The following ZNF236 variants were observed in gnomAD, a reference collection of about 807,000 sequenced individuals.
The protein encoded by ZNF236 is regulated by glucose.
Under a neutral mutation model 191.2 loss-of-function variants are expected in ZNF236, and 50 were observed. That is an observed-to-expected ratio of 0.26 (90% CI 0.21 to 0.33). The LOEUF is 0.33. ZNF236 is among the 10% of genes least tolerant of loss of function. The probability of loss-of-function intolerance (pLI) is 1.00; values close to 1 mark genes in which losing one functional copy is unlikely to be tolerated. For missense variants in ZNF236, 1,754 were observed against 2,374.5 expected, an observed-to-expected ratio of 0.74 and a Z score of 5.43; for synonymous variants, 907 against 928.8, an observed-to-expected ratio of 0.98 and a Z score of 0.43.
chr18:76,863,468 A>T (rs1046889959), intron 3 of ZNF236, among the ~76,000 whole-genome samples: 2 of 152,268 alleles, frequency 1.3e-5, no homozygotes, highest in African/African-American at 2.4e-5. Flanking sequence ...TGTTGTTTGC[A>T]GAAGAACACT....
intron 30 of ZNF236, among the ~76,000 whole-genome samples, chr18:76,961,870 T>C (rs1192753526): frequency 6.6e-6 from 1 of 152,238 alleles, no homozygotes; most frequent in Non-Finnish European, 1.5e-5. Context: ...TATCTTCTTT[T>C]GAGAATTGTC....
intron 3 of ZNF236, among the ~76,000 whole-genome samples, chr18:76,859,545 C>T (rs894482461): frequency 1.3e-5 from 2 of 152,162 alleles, no homozygotes; most frequent in African/African-American, 4.8e-5. Context: ...TATTTACAAT[C>T]ATTCGTACAT....
rs575174525 is a variant in ZNF236 at position 76,922,490 on chromosome 18, A to C, written c.3558-581A>C. ...CTCTCTGTGCATTGCCAACTTTTCT[A>C]CTCTGATATCGTTTGGGTTTTCCTG... On this transcript the variant is annotated intron_variant, in intron 20 of 30. Coordinates refer to ENST00000320610, the MANE Select transcript of ZNF236 (RefSeq NM_001306089.2). 4.0e-5 allele frequency among the ~76,000 whole-genome samples: 6 copies of C among 149,380 alleles called. No individual in the cohort carries two copies. The South Asian group carries it at 1.3e-3, about 32-fold the overall frequency.
Position 76,851,831 on chromosome 18 carries a change from T to G in ZNF236, c.255T>G (p.Leu85=), listed in dbSNP as rs193194388. The G allele has an allele frequency of 1.6e-4, 261 of 1,614,062 alleles. 1 individual carries two copies. In the African/African-American group the frequency reaches 2.4e-3, roughly 15 times the overall value. The change falls in exon 3 of 31, where the codon CTT becomes CTG. Residue 85 remains leucine (L), a synonymous_variant. Coordinates refer to ENST00000320610, the MANE Select transcript of ZNF236 (RefSeq NM_001306089.2). Reference sequence around the variant, plus strand: ...TTAATGTTGAATTCAACCTGACACTTCATAAATGCACCCACAGCGGGGAAG... The same window carrying G: ...TTAATGTTGAATTCAACCTGACACTGCATAAATGCACCCACAGCGGGGAAG... ...QTFNVEFNLT[L]HKCTHSGEDP... is the part of the protein sequence containing the mutation.
At chr18:76,931,953 C>T (rs1568236468) in intron 25 of ZNF236, among the ~76,000 whole-genome samples, 1 of 152,152 alleles carries the variant, frequency 6.6e-6, no homozygotes, top group Non-Finnish European at 1.5e-5. Flanking sequence ...ATGCTTCATT[C>T]TTAATTGAAA....
At chr18:76,933,528 C>G (rs908510599) in intron 25 of ZNF236, among the ~76,000 whole-genome samples, 6 of 150,936 alleles carry the variant, frequency 4.0e-5, no homozygotes, top group Non-Finnish European at 1.5e-5. Context: ...CTCTCTCTCT[C>G]TTAGGCTACT....
rs1394933179 is a variant in ZNF236, at chr18:76,824,204, AAAGAGGTAATGGGTAGGAATC to A, written c.55+1545_55+1565del. 3 of 685,216 alleles carry A rather than the reference AAAGAGGTAATGGGTAGGAATC, an allele frequency of 4.4e-6. No individual in the cohort carries two copies. The Admixed American group carries it at 6.6e-5, about 15-fold the overall frequency. The allele number at this position is 685,216 out of a possible 1,614,324, so 42.4% of individuals were successfully genotyped here. On this transcript the variant is annotated intron_variant, in intron 1 of 30. Coordinates refer to ENST00000320610, the MANE Select transcript of ZNF236 (RefSeq NM_001306089.2). Reference sequence around the variant, plus strand: ...TTGTGTTAATTTTGTGTTTAGGAAGAAAGAGGTAATGGGTAGGAATCAATGTAAACTTATTCATAGGCCACA... The same window carrying A: ...TTGTGTTAATTTTGTGTTTAGGAAGAAATGTAAACTTATTCATAGGCCACA...
chr18:76,938,666 C>G (rs2122883922), intron 26 of ZNF236, among the ~76,000 whole-genome samples: 1 of 152,326 alleles, frequency 6.6e-6, no homozygotes, highest in African/African-American at 2.4e-5. Context: ...TAGGCTTTGC[C>G]TAGAGCTCCT....
intron 26 of ZNF236, among the ~76,000 whole-genome samples, chr18:76,941,570 C>A (rs1323097005): frequency 6.6e-6 from 1 of 152,186 alleles, no homozygotes; most frequent in Non-Finnish European, 1.5e-5. Flanking sequence ...GCCATTAGCG[C>A]TTCCCTGCTG....
chr18:76,847,127 G>A (rs1028969186), intron 1 of ZNF236, among the ~76,000 whole-genome samples: 3 of 150,152 alleles, frequency 2.0e-5, no homozygotes, highest in Admixed American at 1.3e-4. Context: ...TGTATAGTCC[G>A]TATCTCCTAG....
chr18:76,929,347 T>C (rs1967789934), intron 25 of ZNF236, among the ~76,000 whole-genome samples: 1 of 152,170 alleles, frequency 6.6e-6, no homozygotes, highest in Non-Finnish European at 1.5e-5. Context: ...TTTAAAATTA[T>C]ATTTATATCT....
At chr18:76,868,609 C>A in intron 3 of ZNF236, 76 bp from the exon 4 acceptor site, 2 of 1,247,334 alleles carry the variant, frequency 1.6e-6, no homozygotes, top group Non-Finnish European at 2.2e-6. Flanking sequence ...TGTGTATTAA[C>A]CGTTGATCAT....
chr18:76,901,284 A>G lies in ZNF236; in HGVS notation c.1894+2062A>G, dbSNP rs181948722. ...GGAATGAGAAAGAAGTTGTAAGCAC[A>G]GATACAAATGAGGTAACAATTGTTT... On this transcript the variant is annotated intron_variant, in intron 11 of 30. Transcript: ENST00000320610. 6.9e-3 allele frequency among the ~76,000 whole-genome samples: 1,052 copies of G among 152,376 alleles called. 7 individuals are homozygous for G. Among genetic ancestry groups the G allele is most frequent in the Non-Finnish European group, 9.9e-3 (674 of 68,034 alleles).
intron 6 of ZNF236, among the ~76,000 whole-genome samples, chr18:76,876,366 T>C (rs1021528470): frequency 1.3e-5 from 2 of 152,238 alleles, no homozygotes; most frequent in African/African-American, 2.4e-5. Flanking sequence ...TTTTGCAGAA[T>C]GAAAACTATC....
Position 76,969,460 on chromosome 18 carries a change from C to T in ZNF236, c.*1121C>T, listed in dbSNP as rs1377966337. The T allele has an allele frequency of 6.6e-6, 1 of 152,442 alleles. No homozygotes were observed. The highest frequency in any genetic ancestry group is 2.4e-5 in the African/African-American group (1 of 41,408). 9.4% of individuals were successfully genotyped at this position (152,442 alleles called of 1,614,324 possible). A position where few individuals can be genotyped will look rare whatever the true frequency, so the allele number is the denominator to read the frequency against. On this transcript the variant is annotated 3_prime_UTR_variant, in exon 31 of 31. Transcript: ENST00000320610. ...TACATATGTACATAGATATATGGGC[C>T]TCTGTGTGGCTGAACAGTATATTTT... is the stretch of plus-strand genomic sequence containing the variant.
intron 9 of ZNF236, among the ~76,000 whole-genome samples, chr18:76,892,167 G>GGT (rs1555692884): frequency 8.8e-5 from 2 of 22,846 alleles, no homozygotes; most frequent in Non-Finnish European, 2.0e-4. Flanking sequence ...TTTTCTTCTG[G>GGT]GTTTTTTTTT....
intron 11 of ZNF236, among the ~76,000 whole-genome samples, chr18:76,901,524 C>T (rs191749914): frequency 1.0e-3 from 152 of 152,242 alleles, no homozygotes; most frequent in Admixed American, 2.3e-3. Flanking sequence ...TTTGGAAGGC[C>T]GAGGTGGGCG....
chr18:76,959,239 C>T (rs899726973), intron 28 of ZNF236, among the ~76,000 whole-genome samples: 4 of 152,152 alleles, frequency 2.6e-5, no homozygotes, highest in Non-Finnish European at 2.9e-5. Flanking sequence ...AGCTGGGTGC[C>T]GCAGGGCCTC....
In ZNF236 at chr18:76,910,669, T is replaced by C. The variant is rs1339885524; in HGVS notation, c.2663T>C (p.Val888Ala). The C allele has an allele frequency of 6.2e-7, 1 of 1,613,560 alleles. No individual in the cohort carries two copies. Among genetic ancestry groups the C allele is most frequent in the African/African-American group, 1.3e-5 (1 of 74,930 alleles). ...EPAGLPQGFT[V>A]TDTYHQQPQF... ...TTCTAATTTATTTTAGGTTTTACAG[T>C]GACTGATACGTACCATCAGCAGCCT... Residue 888 changes from valine (V) to alanine (A), a missense_variant, in exon 16 of 31, where the codon GTG becomes GCG. Val to Ala is a moderately conservative substitution (Grantham distance 64). Transcript: ENST00000320610.
Sources: allele counts gnomAD v4.1 joint callset (sites outside exome capture counted in the v4.1 genomes callset), GRCh38; gene constraint gnomAD v4.1.1; transcripts MANE v1.5; gene names NCBI Gene and HGNC (gene_info 2026-07-23, HGNC 2026-07-21).